Variants in GPR142 observed in about 807,000 individuals in gnomAD.
GPR142 encodes the protein G protein-coupled receptor 142.
A neutral mutation model predicts 10.6 loss-of-function variants in GPR142; 9 were observed. That is an observed-to-expected ratio of 0.85 (90% CI 0.51 to 1.48). The LOEUF (loss-of-function observed/expected upper bound fraction) is 1.48, where lower values mean the gene tolerates loss of function less well. Among genes scored for constraint, GPR142 ranks in the 40% most tolerant of loss-of-function variants. The probability of loss-of-function intolerance (pLI) is 0.00; values close to 1 mark genes in which losing one functional copy is unlikely to be tolerated. For missense variants in GPR142, 482 were observed against 506.0 expected (o/e 0.95, Z 0.45); for synonymous variants, 202 against 221.2 (o/e 0.91, Z 0.77).
chr17:74,367,597 A>G lies in GPR142; in HGVS notation c.-271A>G, dbSNP rs763764466. Reference sequence around the variant, plus strand: ...ACTGCTGTCCTGGGTACAGAAGCATATACTGAGGAAGACAAATCAATGGTG... The same window carrying G: ...ACTGCTGTCCTGGGTACAGAAGCATGTACTGAGGAAGACAAATCAATGGTG... On this transcript the variant is annotated 5_prime_UTR_variant, in exon 1 of 4. It adds an upstream start codon to the 5' untranslated region. Coordinates refer to ENST00000582579, the MANE Select transcript of GPR142 (RefSeq NM_001331076.1). The G allele has an allele frequency of 4.3e-6, 7 of 1,614,058 alleles. No homozygotes were observed. The South Asian group carries it at 7.7e-5, about 18-fold the overall frequency.
rs2054990595 is a variant in GPR142 at position 74,367,614 on chromosome 17, T to C, written c.-254T>C. 2 of 1,613,998 alleles carry C rather than the reference T, an allele frequency of 1.2e-6. No homozygotes were observed. Among genetic ancestry groups the C allele is most frequent in the Non-Finnish European group, 1.7e-6 (2 of 1,180,034 alleles). ...AGAAGCATATACTGAGGAAGACAAA[T>C]CAATGGTGTCCCATGCACAGAAAAG... On this transcript the variant is annotated 5_prime_UTR_variant, in exon 1 of 4. Transcript: ENST00000582579.
intron 2 of GPR142, 22 bp from the exon 3 acceptor site, chr17:74,370,497 ACT>A: frequency 1.3e-6 from 2 of 1,592,574 alleles, no homozygotes; most frequent in Non-Finnish European, 1.7e-6. Flanking sequence ...AGAGGCTCTG[ACT>A]CTGCCCATCC....
At chr17:74,368,147 A>G (rs1006918492) in intron 1 of GPR142, among the ~76,000 whole-genome samples, 5 of 152,198 alleles carry the variant, frequency 3.3e-5, no homozygotes, top group Admixed American at 2.0e-4. Context: ...TTTAAAAAAC[A>G]AAGTGTAGGG....
At chr17:74,367,888 C>T in intron 1 of GPR142, 94 bp downstream of exon 1, 1 of 1,208,738 alleles carries the variant, frequency 8.3e-7, no homozygotes, top group Non-Finnish European at 1.1e-6. Flanking sequence ...ATCCAGGGAG[C>T]TCTAGTTTTC....
rs760861460 is a variant in GPR142 at position 74,372,003 on chromosome 17, G to A, written c.528G>A (p.Leu176=). The A allele has an allele frequency of 4.3e-6, 7 of 1,612,984 alleles. No homozygotes were observed. Among genetic ancestry groups the A allele is most frequent in the Middle Eastern group, 1.6e-4 (1 of 6,084 alleles). Residue 176 remains leucine, a synonymous_variant, in exon 4 of 4, where the codon CTG becomes CTA. Coordinates refer to ENST00000582579, the MANE Select transcript of GPR142 (RefSeq NM_001331076.1). ...GCTACACTGCCCTGTGCCACCCCCT[G>A]CACCATCGGGCCGCCTCGTCCCCAG... ...VDRYTALCHP[L]HHRAASSPGR... is the part of the protein sequence containing the mutation.
In GPR142 at chr17:74,372,356, A is replaced by C. The variant is rs1436074015; in HGVS notation, c.881A>C (p.Tyr294Ser). Residue 294 changes from tyrosine to serine, a missense_variant, in exon 4 of 4, where the codon TAC becomes TCC. By Grantham distance (144) the Tyr-to-Ser change is moderately radical. Coordinates refer to ENST00000582579, the MANE Select transcript of GPR142 (RefSeq NM_001331076.1). Reference sequence around the variant, plus strand: ...GTCTTCGTCATGCTCTACCACATGTACGTGGCCCCTGTCCACCGGGACTGG... The same window carrying C: ...GTCTTCGTCATGCTCTACCACATGTCCGTGGCCCCTGTCCACCGGGACTGG... Reference protein sequence around the residue: ...PRVFVMLYHMYVAPVHRDWRV... With the variant: ...PRVFVMLYHMSVAPVHRDWRV... 1.2e-6 allele frequency: 2 copies of C among 1,614,018 alleles called. No individual in the cohort carries two copies.
At position 74,367,706 on chromosome 17, in the gene GPR142, C is replaced by A. The variant is rs371339688; in HGVS notation, c.-162C>A. The A allele has an allele frequency of 6.2e-7, 1 of 1,611,584 alleles. No individual in the cohort carries two copies. The highest frequency in any genetic ancestry group is 8.5e-7 in the Non-Finnish European group (1 of 1,180,010). On this transcript the variant is annotated 5_prime_UTR_variant, in exon 1 of 4. Transcript: ENST00000582579. ...CACAGGTCACAGGGGGAAGCTGGGA[C>A]CTCCGAATAAGGCCATCCAAGGACT...
rs2055032114 is a variant in GPR142 at position 74,372,044 on chromosome 17, C to T, written c.569C>T (p.Ala190Val). Residue 190 changes from alanine (A) to valine (V), a missense_variant, in exon 4 of 4, where the codon GCC becomes GTC. Physicochemically the swap from Ala to Val is moderately conservative, Grantham distance 64 (BLOSUM62 0). Coordinates refer to ENST00000582579, the MANE Select transcript of GPR142 (RefSeq NM_001331076.1). ...AASSPGRTRR[A>V]IAAVLSAALL... ...TCGTCCCCAGGCCGGACCCGCCGGG[C>T]CATTGCTGCTGTCCTGAGTGCTGCC... is the stretch of plus-strand genomic sequence containing the variant. 6.2e-7 allele frequency: 1 copy of T among 1,614,134 alleles called. No individual in the cohort carries two copies. Among genetic ancestry groups the T allele is most frequent in the Middle Eastern group, 1.6e-4 (1 of 6,062 alleles).
rs776640332 is a variant in GPR142 at position 74,372,129 on chromosome 17, C to T, written c.654C>T (p.Pro218=). Residue 218 remains proline, a synonymous_variant, in exon 4 of 4, where the codon CCC becomes CCT. Coordinates refer to ENST00000582579, the MANE Select transcript of GPR142 (RefSeq NM_001331076.1). The part of the protein sequence containing the change: ...WLDMWRDTDS[P]RTLDEVLKWA... ...ACATGTGGAGAGACACCGACTCACCCAGAACACTGGACGAGGTCCTCAAGT... is the reference window on the plus strand; with the variant it reads ...ACATGTGGAGAGACACCGACTCACCTAGAACACTGGACGAGGTCCTCAAGT... 1.7e-5 allele frequency: 28 copies of T among 1,614,056 alleles called. No homozygotes were observed.
In GPR142 at chr17:74,372,216, C is replaced by A. The variant is rs1346907219; in HGVS notation, c.741C>A (p.Ala247=). 4.3e-6 allele frequency: 7 copies of A among 1,613,932 alleles called. No homozygotes were observed. The African/African-American group carries it at 9.3e-5, about 22-fold the overall frequency. Residue 247 remains alanine, a synonymous_variant, in exon 4 of 4, where the codon GCC becomes GCA. Transcript: ENST00000582579. ...GCGTGTTCCTGGTCACCAACTCGGC[C>A]ATCATCCACCGGCTACGGAGGAGGG... ...PCGVFLVTNS[A]IIHRLRRRGR...
chr17:74,368,605 C>G (rs2054999715), intron 1 of GPR142, among the ~76,000 whole-genome samples: 2 of 152,176 alleles, frequency 1.3e-5, no homozygotes, highest in African/African-American at 4.8e-5. Context: ...GAGGTGATTC[C>G]AGGGGGGCCT....
In GPR142 at chr17:74,369,651, T is replaced by G; in HGVS notation, c.94+17T>G. Reference sequence around the variant, plus strand: ...GAGAGACAGGTAAGGCATCTTGAAGTGGGGTGTGCTGGGGGCAATAAGGTG... The same window carrying G: ...GAGAGACAGGTAAGGCATCTTGAAGGGGGGTGTGCTGGGGGCAATAAGGTG... On this transcript the variant is annotated intron_variant, in intron 2 of 3. Coordinates refer to ENST00000582579, the MANE Select transcript of GPR142 (RefSeq NM_001331076.1). 1.3e-6 allele frequency: 2 copies of G among 1,534,928 alleles called. No individual in the cohort carries two copies. Among genetic ancestry groups the G allele is most frequent in the South Asian group, 2.4e-5 (2 of 82,858 alleles).
At position 74,370,524 on chromosome 17, in the gene GPR142, GC is replaced by G. The variant is rs569465136; in HGVS notation, c.100del (p.Gln34SerfsTer4). 3.9e-3 allele frequency: 6,217 copies of G among 1,608,968 alleles called. 13 individuals are homozygous for G. The highest frequency in any genetic ancestry group is 5.1e-3 in the Non-Finnish European group (5,965 of 1,177,162). On this transcript the variant is annotated frameshift_variant, in exon 3 of 4. Coordinates refer to ENST00000582579, the MANE Select transcript of GPR142 (RefSeq NM_001331076.1). LOFTEE classifies it high-confidence loss of function. The stretch of plus-strand genomic sequence containing the variant: ...TCTGCCCATCCGCACCTTCTAGCTG[GC>G]CAGCCACGAGTGACCCTGCTGCCCA... Reference protein sequence around the residue: ...SMGLEGRETAGQPRVTLLPTP... With the variant: ...SMGLEGRETAXQPRVTLLPTP...
At position 74,370,573 on chromosome 17, in the gene GPR142, C is replaced by T. The variant is rs757998209; in HGVS notation, c.147C>T (p.Ser49=). The stretch of plus-strand genomic sequence containing the variant: ...CCACGCCCCACGTCAGCGGGCTGAG[C>T]CAGGAGTTTGAAAGCCACTGGCCAG... ...LLPTPHVSGL[S]QEFESHWPEI... Residue 49 remains serine (S), a synonymous_variant, in exon 3 of 4, where the codon AGC becomes AGT. Coordinates refer to ENST00000582579, the MANE Select transcript of GPR142 (RefSeq NM_001331076.1). 6.2e-7 allele frequency: 1 copy of T among 1,610,438 alleles called. No homozygotes were observed. The highest frequency in any genetic ancestry group is 8.5e-7 in the Non-Finnish European group (1 of 1,178,340).
rs777342725 is a variant in GPR142, at chr17:74,370,630, C to T, written c.204C>T (p.Gly68=). 4.6e-5 allele frequency: 75 copies of T among 1,613,428 alleles called. No homozygotes were observed. The highest frequency in any genetic ancestry group is 1.6e-4 in the East Asian group (7 of 44,882). The change falls in exon 3 of 4, where the codon GGC becomes GGT. Residue 68 remains glycine, a synonymous_variant. Coordinates refer to ENST00000582579, the MANE Select transcript of GPR142 (RefSeq NM_001331076.1). The stretch of plus-strand genomic sequence containing the variant: ...CAGAGAGGTCCCCGTGTGTGGCTGG[C>T]GTCATCCCTGTCATCTACTACAGTG... ...EIAERSPCVA[G]VIPVIYYSVL...
chr17:74,371,943 C>T lies in GPR142; in HGVS notation c.468C>T (p.Ala156=). ...TCCTGGAGTTTGCTGCCAACCACGCCTCAGTCTGGATCGCCATCCTGCTCA... is the reference window on the plus strand; with the variant it reads ...TCCTGGAGTTTGCTGCCAACCACGCTTCAGTCTGGATCGCCATCCTGCTCA... ...ANILEFAANH[A]SVWIAILLTV... is the part of the protein sequence containing the mutation. Residue 156 remains alanine (A), a synonymous_variant, in exon 4 of 4, where the codon GCC becomes GCT. Coordinates refer to ENST00000582579, the MANE Select transcript of GPR142 (RefSeq NM_001331076.1). The T allele has an allele frequency of 6.2e-7, 1 of 1,612,854 alleles. No homozygotes were observed. Among genetic ancestry groups the T allele is most frequent in the Non-Finnish European group, 8.5e-7 (1 of 1,180,012 alleles).
chr17:74,372,276 C>A lies in GPR142; in HGVS notation c.801C>A (p.Ser267Arg). Reference sequence around the variant, plus strand: ...GGCTGCAGCCCCGGGTGGGCAAGAGCACAGCCATCCTCCTGGGCATCACCA... The same window carrying A: ...GGCTGCAGCCCCGGGTGGGCAAGAGAACAGCCATCCTCCTGGGCATCACCA... ...RSGLQPRVGK[S>R]TAILLGITTL... Residue 267 changes from serine to arginine, a missense_variant, in exon 4 of 4, where the codon AGC becomes AGA. Physicochemically the swap from Ser to Arg is moderately radical, Grantham distance 110. Coordinates refer to ENST00000582579, the MANE Select transcript of GPR142 (RefSeq NM_001331076.1). 2 of 1,613,610 alleles carry A rather than the reference C, an allele frequency of 1.2e-6. No individual in the cohort carries two copies. Among genetic ancestry groups the A allele is most frequent in the Non-Finnish European group, 1.7e-6 (2 of 1,179,546 alleles).
At chr17:74,370,438 A>G (rs1431464226) in intron 2 of GPR142, 83 bp from the exon 3 acceptor site, 1 of 1,438,822 alleles carries the variant, frequency 7.0e-7, no homozygotes. Context: ...GTGACTAGAA[A>G]GACCCCAGGT....
At chr17:74,369,848 C>T (rs184617615) in intron 2 of GPR142, among the ~76,000 whole-genome samples, 49 of 152,264 alleles carry the variant, frequency 3.2e-4, no homozygotes, top group South Asian at 2.1e-3. Context: ...CCAGAGTGGA[C>T]GGTGCTTATC....
Sources: allele counts gnomAD v4.1 joint callset (sites outside exome capture counted in the v4.1 genomes callset), GRCh38; gene constraint gnomAD v4.1.1; transcripts MANE v1.5; gene names NCBI Gene and HGNC (gene_info 2026-07-23, HGNC 2026-07-21).